TOPBP1: variants seen among roughly 807,000 people sequenced by gnomAD.
The protein encoded by TOPBP1 is DNA topoisomerase II binding protein 1.
Under a neutral mutation model 167.7 loss-of-function variants are expected in TOPBP1, and 28 were observed. The observed-to-expected ratio is 0.17, with a 90% confidence interval of 0.12 to 0.23. The LOEUF (loss-of-function observed/expected upper bound fraction) is 0.23, where lower values mean the gene tolerates loss of function less well. Ranked by LOEUF, TOPBP1 falls within the 10% of genes least tolerant of loss-of-function variation. The pLI is 1.00. For missense variants in TOPBP1, 1,554 were observed against 1,809.6 expected (o/e 0.86, Z 2.56); for synonymous variants, 598 against 611.4 (o/e 0.98, Z 0.32).
In TOPBP1 at chr3:133,629,388, AC is replaced by A. The variant is rs892687238; in HGVS notation, c.2521-656del. On this transcript the variant is annotated intron_variant, in intron 14 of 27. Transcript: ENST00000260810. The stretch of plus-strand genomic sequence containing the variant: ...ATGCAATGAATAACCTTGTACACAA[AC>A]CATTTTGCACACACAAGAGTAAAGG... Among the ~76,000 whole-genome samples, 23 of 152,334 alleles carry A rather than the reference AC, an allele frequency of 1.5e-4. 1 individual carries two copies. Among genetic ancestry groups the A allele is most frequent in the African/African-American group, 4.8e-4 (20 of 41,572 alleles).
chr3:133,643,749 C>G (rs977570504), intron 11 of TOPBP1, among the ~76,000 whole-genome samples: 1 of 150,870 alleles, frequency 6.6e-6, no homozygotes, highest in Admixed American at 6.6e-5. Flanking sequence ...TATGAGAAAA[C>G]AAGACAAATA....
intron 22 of TOPBP1, 58 bp from the exon 23 acceptor site, chr3:133,616,983 T>C: frequency 7.8e-7 from 1 of 1,278,582 alleles, no homozygotes; most frequent in Non-Finnish European, 1.1e-6. Context: ...AGATACACAG[T>C]TCTTTTATAG....
intron 10 of TOPBP1, 65 bp downstream of exon 10, chr3:133,649,318 T>A: frequency 6.5e-7 from 1 of 1,527,658 alleles, no homozygotes; most frequent in Non-Finnish European, 8.8e-7. Context: ...AGAAATCACA[T>A]ATGTACGTAT....
At chr3:133,639,917 T>A (rs766613397) in intron 13 of TOPBP1, 42 bp downstream of exon 13, 11 of 1,569,546 alleles carry the variant, frequency 7.0e-6, no homozygotes, top group Non-Finnish European at 7.8e-6. Flanking sequence ...AGAAACCATC[T>A]AGTTGTAAAT....
intron 25 of TOPBP1, among the ~76,000 whole-genome samples, chr3:133,610,125 G>C (rs1020368435): frequency 2.0e-5 from 3 of 152,138 alleles, no homozygotes; most frequent in African/African-American, 7.2e-5. Flanking sequence ...CAGATATGTG[G>C]TCTTCTGGCC....
chr3:133,661,016 A>T, intron 2 of TOPBP1, 28 bp downstream of exon 2: 1 of 1,490,204 alleles, frequency 6.7e-7, no homozygotes, highest in Non-Finnish European at 9.0e-7. Context: ...AAATGAATTC[A>T]CGGTATTAAG....
intron 2 of TOPBP1, among the ~76,000 whole-genome samples, chr3:133,659,383 T>C (rs1259114501): frequency 2.0e-5 from 3 of 152,190 alleles, no homozygotes; most frequent in Non-Finnish European, 4.4e-5. Flanking sequence ...CATGTCACTA[T>C]CTGCTCAAAA....
intron 13 of TOPBP1, among the ~76,000 whole-genome samples, 181 bp from the exon 14 acceptor site, chr3:133,638,343 A>G (rs1385606893): frequency 6.6e-6 from 1 of 152,206 alleles, no homozygotes; most frequent in Non-Finnish European, 1.5e-5. Flanking sequence ...TCTCAGGTAC[A>G]CTTTAAATCA....
At chr3:133,616,568 C>CA (rs766395005) in intron 23 of TOPBP1, among the ~76,000 whole-genome samples, 35 of 152,298 alleles carry the variant, frequency 2.3e-4, no homozygotes, top group Non-Finnish European at 4.0e-4. Context: ...AATAGTCAAA[C>CA]AGCACAGAAG....
intron 19 of TOPBP1, among the ~76,000 whole-genome samples, chr3:133,621,785 T>C (rs1050457888): frequency 2.6e-5 from 4 of 152,310 alleles, no homozygotes; most frequent in African/African-American, 9.6e-5. Context: ...TAGGGAAAGC[T>C]TTGGTAGGTT....
At chr3:133,612,255 G>A (rs1331318382) in intron 24 of TOPBP1, 134 bp downstream of exon 24, 2 of 925,806 alleles carry the variant, frequency 2.2e-6, no homozygotes, top group East Asian at 5.4e-5. Context: ...GGCCAGGCAT[G>A]TCTCGAACTC....
At chr3:133,647,001 T>G (rs1390764964) in intron 10 of TOPBP1, among the ~76,000 whole-genome samples, 1 of 152,202 alleles carries the variant, frequency 6.6e-6, no homozygotes, top group African/African-American at 2.4e-5. Context: ...ACCCTTGGAA[T>G]GTAAAGGTAT....
intron 7 of TOPBP1, 134 bp from the exon 8 acceptor site, chr3:133,652,763 A>T: frequency 1.5e-6 from 1 of 662,432 alleles, no homozygotes; most frequent in Non-Finnish European, 2.5e-6. Flanking sequence ...TGTTTACTGA[A>T]ATCTTAGTGG....
In TOPBP1 at chr3:133,640,219, C is replaced by T. The variant is rs776232523; in HGVS notation, c.2022-49G>A. On this transcript the variant is annotated intron_variant, in intron 12 of 27. Coordinates refer to ENST00000260810, the MANE Select transcript of TOPBP1 (RefSeq NM_007027.4). ...GGAAATGGTCACATATACAATTAAC[C>T]CGCAAAACTAACAAAATTTCCAACA... is the stretch of plus-strand genomic sequence containing the variant. 6.0e-6 allele frequency: 9 copies of T among 1,497,236 alleles called. No homozygotes were observed. In the South Asian group the frequency reaches 1.1e-4, roughly 18 times the overall value. The allele number at this position is 1,497,236 out of a possible 1,614,324, so 92.7% of individuals were successfully genotyped here. A position where few individuals can be genotyped will look rare whatever the true frequency, so the allele number is the denominator to read the frequency against.
At chr3:133,634,655 G>GT (rs1935607360) in intron 14 of TOPBP1, among the ~76,000 whole-genome samples, 1 of 152,078 alleles carries the variant, frequency 6.6e-6, no homozygotes, top group Admixed American at 6.5e-5. Flanking sequence ...CAAGGCAGTA[G>GT]TGGAAGAGCA....
At chr3:133,625,510 A>G (rs1454022335) in intron 16 of TOPBP1, among the ~76,000 whole-genome samples, 1 of 152,100 alleles carries the variant, frequency 6.6e-6, no homozygotes, top group Non-Finnish European at 1.5e-5. Context: ...AGGCAGGTGG[A>G]TCACCTGAGG....
At position 133,644,228 on chromosome 3, in the gene TOPBP1, A is replaced by G; in HGVS notation, c.1640T>C (p.Ile547Thr). The change falls in exon 11 of 28, where the codon ATT becomes ACT. Residue 547 changes from isoleucine to threonine, a missense_variant. Physicochemically the swap from Ile to Thr is moderately conservative, Grantham distance 89. This residue lies in a region of TOPBP1 where 1,197 missense variants were observed against 1,351.5 expected (regional missense o/e 0.89). Transcript: ENST00000260810. Reference sequence around the variant, plus strand: ...TTGGCTAAATAAGCCTTCTTCAGTAATTGTAGAAACATCAGGGACACAATG... The same window carrying G: ...TTGGCTAAATAAGCCTTCTTCAGTAGTTGTAGAAACATCAGGGACACAATG... ...VSHCVPDVST[I>T]TEEGLFSQKS... 6.2e-7 allele frequency: 1 copy of G among 1,613,902 alleles called. No individual in the cohort carries two copies. Among genetic ancestry groups the G allele is most frequent in the South Asian group, 1.1e-5 (1 of 91,076 alleles).
At chr3:133,630,875 T>C (rs1487982386) in intron 14 of TOPBP1, among the ~76,000 whole-genome samples, 1 of 152,210 alleles carries the variant, frequency 6.6e-6, no homozygotes, top group Non-Finnish European at 1.5e-5. Flanking sequence ...TTGGGAATTT[T>C]TATGGCTTCA....
At chr3:133,606,817 C>T (rs1350374485) in intron 27 of TOPBP1, among the ~76,000 whole-genome samples, 3 of 151,896 alleles carry the variant, frequency 2.0e-5, no homozygotes, top group Admixed American at 2.0e-4. Flanking sequence ...GGAAAAAAAC[C>T]AGCCCTAGTC....
Sources: allele counts gnomAD v4.1 joint callset (sites outside exome capture counted in the v4.1 genomes callset), GRCh38; gene constraint gnomAD v4.1.1; regional missense constraint gnomAD v4.1.1; transcripts MANE v1.5; gene names NCBI Gene and HGNC (gene_info 2026-07-23, HGNC 2026-07-21).